The following EPHA4 variants were observed in gnomAD, a reference collection of about 807,000 sequenced individuals.
EPHA4 encodes ephrin type-A receptor 4.
A neutral mutation model predicts 108.3 loss-of-function variants in EPHA4; 19 were observed. The observed-to-expected ratio is 0.18, with a 90% CI of 0.12 to 0.26. The LOEUF is 0.26. Among genes scored for constraint, EPHA4 ranks in the 10% least tolerant of loss-of-function variants. The probability of loss-of-function intolerance (pLI) is 1.00; values close to 1 mark genes in which losing one functional copy is unlikely to be tolerated. For missense variants in EPHA4, 917 were observed against 1,254.0 expected, an observed-to-expected ratio of 0.73 and a Z score of 4.06; for synonymous variants, 449 against 455.5, an observed-to-expected ratio of 0.99 and a Z score of 0.18.
At chr2:221,496,026 G>C (rs896436480) in intron 4 of EPHA4, among the ~76,000 whole-genome samples, 1 of 152,122 alleles carries the variant, frequency 6.6e-6, no homozygotes, top group Non-Finnish European at 1.5e-5. Flanking sequence ...TTAACCAACT[G>C]GGAAGAACTG....
At chr2:221,432,818 A>ATTTTTTTTTTT (rs34200694) in intron 14 of EPHA4, among the ~76,000 whole-genome samples, 1 of 89,110 alleles carries the variant, frequency 1.1e-5, no homozygotes. Context: ...AAATCTTTGT[A>ATTTTTTTTTTT]TTTTTTTTTT....
chr2:221,564,940 A>C (rs1694582560), intron 2 of EPHA4, among the ~76,000 whole-genome samples: 1 of 149,376 alleles, frequency 6.7e-6, no homozygotes, highest in East Asian at 2.0e-4. Context: ...CACCCTCACT[A>C]CTCTTTAAAG....
At chr2:221,562,566 ATGCCATCTACAGCTCAACAAT>A (rs1694501257) in intron 3 of EPHA4, among the ~76,000 whole-genome samples, 1 of 152,218 alleles carries the variant, frequency 6.6e-6, no homozygotes, top group African/African-American at 2.4e-5. Context: ...CCATGTGGCA[ATGCCATCTACAGCTCAACAAT>A]TACCCAGAGA....
intron 2 of EPHA4, 79 bp from the exon 3 acceptor site, chr2:221,564,473 G>A: frequency 1.4e-6 from 2 of 1,391,856 alleles, no homozygotes; most frequent in Non-Finnish European, 2.0e-6. Flanking sequence ...TATTCTCATA[G>A]GACACCTGAT....
At chr2:221,532,145 C>T (rs1431253234) in intron 3 of EPHA4, among the ~76,000 whole-genome samples, 3 of 149,062 alleles carry the variant, frequency 2.0e-5, no homozygotes, top group African/African-American at 7.5e-5. Context: ...TTTTTTGAGA[C>T]AGGGTCTCAC....
At chr2:221,430,672 A>T (rs930149171) in intron 14 of EPHA4, among the ~76,000 whole-genome samples, 26 of 152,196 alleles carry the variant, frequency 1.7e-4, no homozygotes, top group African/African-American at 5.8e-4. Context: ...GTCCAAGTCC[A>T]GACGCCCAGC....
chr2:221,448,718 A>G (rs1690676955), intron 8 of EPHA4, among the ~76,000 whole-genome samples: 1 of 152,192 alleles, frequency 6.6e-6, no homozygotes, highest in Admixed American at 6.5e-5. Flanking sequence ...GCATTATCTA[A>G]AATTACAAGT....
intron 3 of EPHA4, among the ~76,000 whole-genome samples, chr2:221,534,417 A>G (rs1227920304): frequency 2.6e-5 from 4 of 152,140 alleles, no homozygotes; most frequent in Non-Finnish European, 5.9e-5. Context: ...CGTTCTCATT[A>G]CCTGCAAGTG....
intron 3 of EPHA4, among the ~76,000 whole-genome samples, chr2:221,504,539 TTATATATA>T (rs10556912): frequency 9.5e-4 from 140 of 148,070 alleles, no homozygotes; most frequent in African/African-American, 2.1e-3. Context: ...TTTGAAAATT[TTATATATA>T]TATATATATA....
intron 2 of EPHA4, among the ~76,000 whole-genome samples, chr2:221,565,796 C>A (rs546592785): frequency 6.6e-6 from 1 of 152,304 alleles, no homozygotes; most frequent in South Asian, 2.1e-4. Flanking sequence ...TTAGGAAATT[C>A]ATGTAAATCC....
intron 5 of EPHA4, among the ~76,000 whole-genome samples, chr2:221,473,311 C>T (rs1277577565): frequency 1.3e-5 from 2 of 152,044 alleles, no homozygotes; most frequent in African/African-American, 4.8e-5. Context: ...CTTATCTTGA[C>T]AGATTAACAT....
rs568340358 is a variant in EPHA4, at chr2:221,467,330, G to A, written c.1319-9340C>T. Among the ~76,000 whole-genome samples the A allele has an allele frequency of 4.6e-5, 7 of 152,086 alleles. No homozygotes were observed. The East Asian group carries it at 5.8e-4, about 13-fold the overall frequency. ...TCGAATCTTGCCCACTTTTCCATAC[G>A]TGTATATTTCACAATAAAAAGGTTA... On this transcript the variant is annotated intron_variant, in intron 5 of 17. Transcript: ENST00000281821.
In EPHA4 at chr2:221,455,533, G is replaced by A. The variant is rs541333943; in HGVS notation, c.1715+14C>T. ...AAGGTCGGGGGCTGCACAGTGAGTG[G>A]CTTCAGTGCTTACCTCCGGCTGATG... On this transcript the variant is annotated intron_variant, in intron 8 of 17. Coordinates refer to ENST00000281821, the MANE Select transcript of EPHA4 (RefSeq NM_004438.5). 185 of 1,588,950 alleles carry A rather than the reference G, an allele frequency of 1.2e-4. No homozygotes were observed. Among genetic ancestry groups the A allele is most frequent in the Non-Finnish European group, 1.5e-4 (175 of 1,157,354 alleles).
At chr2:221,454,958 T>C (rs1690897837) in intron 8 of EPHA4, among the ~76,000 whole-genome samples, 1 of 152,168 alleles carries the variant, frequency 6.6e-6, no homozygotes, top group African/African-American at 2.4e-5. Flanking sequence ...CTGATGGCTT[T>C]TCCTGGGGGA....
rs1690471797 is a variant in EPHA4, at chr2:221,442,944, C to T, written c.1959G>A (p.Lys653=). 1.2e-6 allele frequency: 2 copies of T among 1,614,146 alleles called. No homozygotes were observed. Among genetic ancestry groups the T allele is most frequent in the Non-Finnish European group, 1.7e-6 (2 of 1,180,022 alleles). ...TGTCTGTATAACCAGCTTTCAGAGT[C>T]TTGATAGCCACACAGATCTCTCTCT... ...PGKREICVAI[K]TLKAGYTDKQ... Residue 653 remains lysine (K), a synonymous_variant, in exon 11 of 18, where the codon AAG becomes AAA. Coordinates refer to ENST00000281821, the MANE Select transcript of EPHA4 (RefSeq NM_004438.5).
rs552018932 is a variant in EPHA4, at chr2:221,564,953, G to A, written c.160-559C>T. On this transcript the variant is annotated intron_variant, in intron 2 of 17. Transcript: ENST00000281821. ...GGCACCCTCACTACTCTTTAAAGGTGAAAAGAAAATCCCACCATTCTGGTT... is the reference window on the plus strand; with the variant it reads ...GGCACCCTCACTACTCTTTAAAGGTAAAAAGAAAATCCCACCATTCTGGTT... Among the ~76,000 whole-genome samples the A allele has an allele frequency of 8.1e-5, 12 of 148,926 alleles. No homozygotes were observed. In the South Asian group the frequency reaches 1.9e-3, roughly 24 times the overall value.
intron 12 of EPHA4, among the ~76,000 whole-genome samples, 192 bp downstream of exon 12, chr2:221,436,869 A>G (rs1284593655): frequency 6.6e-6 from 1 of 152,188 alleles, no homozygotes; most frequent in African/African-American, 2.4e-5. Context: ...ACAGGAATAA[A>G]TCAAAAACTA....
At chr2:221,506,680 T>C (rs1692641455) in intron 3 of EPHA4, among the ~76,000 whole-genome samples, 2 of 152,164 alleles carry the variant, frequency 1.3e-5, no homozygotes, top group Admixed American at 1.3e-4. Context: ...CTACAAGTGG[T>C]TTGACTGCTA....
chr2:221,428,187 A>C (rs1002315246), intron 15 of EPHA4, among the ~76,000 whole-genome samples: 1 of 152,202 alleles, frequency 6.6e-6, no homozygotes, highest in Non-Finnish European at 1.5e-5. Flanking sequence ...ATTAATGAGG[A>C]AGATGTAGGC....
Sources: allele counts gnomAD v4.1 joint callset (sites outside exome capture counted in the v4.1 genomes callset), GRCh38; gene constraint gnomAD v4.1.1; transcripts MANE v1.5; gene names NCBI Gene and HGNC (gene_info 2026-07-23, HGNC 2026-07-21).